LAMA2: variants seen among roughly 807,000 people sequenced by gnomAD.
LAMA2 encodes the protein laminin subunit alpha 2.
A neutral mutation model predicts 364.8 loss-of-function variants in LAMA2; 269 were observed. The observed-to-expected ratio is 0.74, with a 90% CI of 0.67 to 0.82. The LOEUF is 0.82. LAMA2 is among the 40% of genes least tolerant of loss of function. The pLI, the probability that LAMA2 is intolerant of heterozygous loss-of-function variation, is 0.00. For synonymous variants in LAMA2, 1,379 were observed against 1,370.6 expected (o/e 1.01, Z -0.14); for missense variants, 3,807 against 3,873.2 (o/e 0.98, Z 0.45).
At chr6:129,208,593 AAAG>A (rs1293771554) in intron 12 of LAMA2, among the ~76,000 whole-genome samples, 18 of 150,210 alleles carry the variant, frequency 1.2e-4, no homozygotes, top group Admixed American at 6.6e-5. Flanking sequence ...AGGAGGAAGG[AAAG>A]AAGAGAGGGA....
intron 39 of LAMA2, 125 bp downstream of exon 39, chr6:129,402,612 A>G: frequency 1.0e-6 from 1 of 967,770 alleles, no homozygotes; most frequent in Non-Finnish European, 1.6e-6. Flanking sequence ...CACTAGCTAT[A>G]TGGCCTTTCT....
Position 129,397,866 on chromosome 6 carries a change from G to A in LAMA2, c.5446-3358G>A, listed in dbSNP as rs375326320. On this transcript the variant is annotated intron_variant, in intron 37 of 64. Transcript: ENST00000421865. ...GCAGGAGAATGGTGTGAACCTGGGA[G>A]GCAGAGCTTGCAGTGAGCCAAGATT... 4.6e-4 allele frequency among the ~76,000 whole-genome samples: 69 copies of A among 151,002 alleles called. 2 individuals carry two copies. The South Asian group carries it at 0.013, about 29-fold the overall frequency.
chr6:129,493,982 A>G (rs1051761758), intron 58 of LAMA2, among the ~76,000 whole-genome samples: 1 of 152,204 alleles, frequency 6.6e-6, no homozygotes, highest in South Asian at 2.1e-4. Flanking sequence ...CTTTTTCATT[A>G]TTTCCAGTTA....
chr6:129,063,375 T>C (rs1391604114), intron 3 of LAMA2, among the ~76,000 whole-genome samples: 2 of 152,150 alleles, frequency 1.3e-5, no homozygotes, highest in African/African-American at 2.4e-5. Context: ...TCTATTTTAG[T>C]CTTTTTCCTA....
At chr6:129,314,342 TGAGCA>T (rs1197078366) in intron 23 of LAMA2, among the ~76,000 whole-genome samples, 1 of 131,544 alleles carries the variant, frequency 7.6e-6, no homozygotes, top group East Asian at 2.2e-4. Flanking sequence ...GAGCTTGCAG[TGAGCA>T]GAGATAGCGC....
chr6:129,367,640 A>T (rs1777849977), intron 33 of LAMA2, among the ~76,000 whole-genome samples: 2 of 152,216 alleles, frequency 1.3e-5, no homozygotes, highest in African/African-American at 2.4e-5. Flanking sequence ...TCTTTTAGGA[A>T]ATATATTCTT....
At chr6:129,388,958 A>T (rs1318827814) in intron 35 of LAMA2, among the ~76,000 whole-genome samples, 1 of 152,102 alleles carries the variant, frequency 6.6e-6, no homozygotes, top group Non-Finnish European at 1.5e-5. Context: ...AATCATTGGT[A>T]CTCTGGAAGG....
intron 9 of LAMA2, among the ~76,000 whole-genome samples, chr6:129,170,356 T>C (rs1281186406): frequency 6.8e-6 from 1 of 147,710 alleles, no homozygotes; most frequent in Admixed American, 6.7e-5. Context: ...GATTCTGGTA[T>C]GTTGTGTCTT....
chr6:129,098,548 G>C, intron 4 of LAMA2, 133 bp downstream of exon 4: 1 of 1,056,966 alleles, frequency 9.5e-7, no homozygotes, highest in Non-Finnish European at 1.4e-6. Context: ...ATTTAAATGA[G>C]TTATTAAATA....
At chr6:129,134,163 A>G (rs537598364) in intron 4 of LAMA2, among the ~76,000 whole-genome samples, 3 of 152,306 alleles carry the variant, frequency 2.0e-5, no homozygotes, top group Non-Finnish European at 2.9e-5. Context: ...CGTCTCACCA[A>G]TGTAGGTCAT....
chr6:129,159,110 A>G, intron 8 of LAMA2: 1 of 1,577,896 alleles, frequency 6.3e-7, no homozygotes, highest in Non-Finnish European at 8.7e-7. Flanking sequence ...GTAAATGTAT[A>G]GCTGAGTCAT....
intron 15 of LAMA2, among the ~76,000 whole-genome samples, chr6:129,264,745 TA>T (rs1002014707): frequency 1.3e-5 from 2 of 152,256 alleles, no homozygotes; most frequent in Admixed American, 1.3e-4. Context: ...AGGAGTCAGC[TA>T]GGCCCAAGGC....
At chr6:129,391,398 T>C (rs1779310068) in intron 35 of LAMA2, 93 bp from the exon 36 acceptor site, 1 of 1,048,264 alleles carries the variant, frequency 9.5e-7, no homozygotes, top group African/African-American at 1.6e-5. Flanking sequence ...TACTCTTCAT[T>C]TGGAGATGGT....
chr6:129,259,890 A>G (rs1239284320), intron 14 of LAMA2, among the ~76,000 whole-genome samples: 1 of 152,150 alleles, frequency 6.6e-6, no homozygotes, highest in African/African-American at 2.4e-5. Flanking sequence ...TGTATTCTTA[A>G]TAATTAAGCT....
intron 33 of LAMA2, among the ~76,000 whole-genome samples, chr6:129,368,585 A>G (rs1447646195): frequency 6.6e-6 from 1 of 152,202 alleles, no homozygotes; most frequent in Non-Finnish European, 1.5e-5. Flanking sequence ...TGAACATGAA[A>G]CATTTTAAAA....
At chr6:129,216,987 A>C (rs903407015) in intron 12 of LAMA2, among the ~76,000 whole-genome samples, 25 of 152,008 alleles carry the variant, frequency 1.6e-4, no homozygotes, top group Non-Finnish European at 2.5e-4. Flanking sequence ...TCAGGAGATC[A>C]AGACCATCCT....
In LAMA2 at chr6:129,342,388, C is replaced by T. The variant is rs1284723859; in HGVS notation, c.4357C>T (p.Leu1453Phe). The T allele has an allele frequency of 6.2e-7, 1 of 1,613,288 alleles. No individual in the cohort carries two copies. The highest frequency in any genetic ancestry group is 8.5e-7 in the Non-Finnish European group (1 of 1,179,460). Reference sequence around the variant, plus strand: ...TGGTGACTTCTGTGAACGATGTGCTCTTGGATACTATGGAATTGTCAAGGG... The same window carrying T: ...TGGTGACTTCTGTGAACGATGTGCTTTTGGATACTATGGAATTGTCAAGGG... Reference protein sequence around the residue: ...TAGDFCERCALGYYGIVKGLP... With the variant: ...TAGDFCERCAFGYYGIVKGLP... Residue 1453 changes from leucine to phenylalanine, a missense_variant, in exon 30 of 65, where the codon CTT becomes TTT. This residue lies in a region of LAMA2 where 3,333 missense variants were observed against 3,345.7 expected (regional missense o/e 1.00). Coordinates refer to ENST00000421865, the MANE Select transcript of LAMA2 (RefSeq NM_000426.4).
chr6:129,159,563 G>C (rs551506088), intron 8 of LAMA2, among the ~76,000 whole-genome samples: 3 of 152,178 alleles, frequency 2.0e-5, no homozygotes, highest in Non-Finnish European at 4.4e-5. Flanking sequence ...ACATGCTTTA[G>C]AAACGTACAC....
intron 1 of LAMA2, among the ~76,000 whole-genome samples, chr6:129,031,423 A>G (rs1211922015): frequency 6.6e-6 from 1 of 152,210 alleles, no homozygotes; most frequent in Non-Finnish European, 1.5e-5. Context: ...TGGATATTGC[A>G]AAATGCATCA....
Sources: allele counts gnomAD v4.1 joint callset (sites outside exome capture counted in the v4.1 genomes callset), GRCh38; gene constraint gnomAD v4.1.1; regional missense constraint gnomAD v4.1.1; transcripts MANE v1.5; gene names NCBI Gene and HGNC (gene_info 2026-07-23, HGNC 2026-07-21).